HS6ST2: variants seen among roughly 807,000 people sequenced by gnomAD.
HS6ST2 encodes heparan-sulfate 6-O-sulfotransferase 2.
HS6ST2 carries 17 observed loss-of-function variants against 33.0 expected under a neutral mutation model. The observed-to-expected ratio is 0.52, with a 90% CI of 0.35 to 0.77. HS6ST2 has a LOEUF of 0.77. Among genes scored for constraint, HS6ST2 ranks in the 30% least tolerant of loss-of-function variants. HS6ST2 has a pLI of 0.01. For synonymous variants in HS6ST2, 248 were observed against 237.1 expected, an observed-to-expected ratio of 1.05 and a Z score of -0.42; for missense variants, 519 against 551.7, an observed-to-expected ratio of 0.94 and a Z score of 0.59.
intron 2 of HS6ST2, among the ~76,000 whole-genome samples, chrX:132,885,815 C>CAAGAATTTAAA (rs989841535): frequency 1.8e-5 from 2 of 111,408 alleles, no homozygotes; most frequent in African/African-American, 6.5e-5. Context: ...AAATAAAAAA[C>CAAGAATTTAAA]AAGAATTTAA....
intron 2 of HS6ST2, among the ~76,000 whole-genome samples, chrX:132,866,270 G>T (rs1035241621): frequency 9.0e-6 from 1 of 111,080 alleles, no homozygotes; most frequent in African/African-American, 3.3e-5. Flanking sequence ...TCTGAGGTTT[G>T]TCAAAGATCA....
At position 132,673,007 on chromosome X, in the gene HS6ST2, C is replaced by T. The variant is rs910334500; in HGVS notation, c.981-3808G>A. ...CTGCATCTCCTTTGTAAGCTCTTTT[C>T]GGAATTAATTCATCTCAGATCCCTG... On this transcript the variant is annotated intron_variant, in intron 3 of 4. Coordinates refer to ENST00000370833, the MANE Select transcript of HS6ST2 (RefSeq NM_001394073.1). Among the ~76,000 whole-genome samples, 3 of 111,742 alleles carry T rather than the reference C, an allele frequency of 2.7e-5. No homozygotes were observed. The Admixed American group carries it at 2.9e-4, about 11-fold the overall frequency.
intron 2 of HS6ST2, among the ~76,000 whole-genome samples, chrX:132,915,303 A>G (rs1173342952): frequency 8.9e-6 from 1 of 112,361 alleles, no homozygotes; most frequent in Non-Finnish European, 1.9e-5. Context: ...AAATCACCCA[A>G]TGACACGGGG....
At chrX:132,951,663 G>C (rs1007359613) in intron 2 of HS6ST2, among the ~76,000 whole-genome samples, 1 of 111,651 alleles carries the variant, frequency 9.0e-6, no homozygotes, top group African/African-American at 3.3e-5. Context: ...AATCTTTATG[G>C]ACTTGAGGCT....
intron 4 of HS6ST2, among the ~76,000 whole-genome samples, chrX:132,638,461 G>A (rs1342654392): frequency 9.0e-6 from 1 of 111,615 alleles, no homozygotes; most frequent in Admixed American, 9.6e-5. Flanking sequence ...GCAGACAGAC[G>A]TGCCTGTAGA....
chrX:132,814,249 G>A (rs1487223174), intron 2 of HS6ST2, among the ~76,000 whole-genome samples: 3 of 112,017 alleles, frequency 2.7e-5, no homozygotes, highest in African/African-American at 9.7e-5. Context: ...TGGCCTTCAA[G>A]AACATTTAAA....
At chrX:132,829,380 G>GTATCTATGTATT (rs1426689876) in intron 2 of HS6ST2, among the ~76,000 whole-genome samples, 1 of 107,579 alleles carries the variant, frequency 9.3e-6, no homozygotes, top group Admixed American at 1.0e-4. Flanking sequence ...ATCAATCTAT[G>GTATCTATGTATT]TATCTATGTA....
chrX:132,687,996 G>A (rs957776049), intron 3 of HS6ST2, among the ~76,000 whole-genome samples: 8 of 112,103 alleles, frequency 7.1e-5, no homozygotes, highest in Non-Finnish European at 1.5e-4. Flanking sequence ...TGATCCACCC[G>A]CCTCGGCCTC....
At chrX:132,640,118 A>G (rs1259971992) in intron 4 of HS6ST2, among the ~76,000 whole-genome samples, 7 of 110,600 alleles carry the variant, frequency 6.3e-5, no homozygotes, top group African/African-American at 2.3e-4. Context: ...CTGACCTAGA[A>G]GTCGCCATAA....
At chrX:132,763,234 C>T (rs2064818355) in intron 2 of HS6ST2, among the ~76,000 whole-genome samples, 2 of 111,772 alleles carry the variant, frequency 1.8e-5, no homozygotes, top group African/African-American at 3.3e-5. Flanking sequence ...AAAGGGCATA[C>T]CTAGTTACTC....
At chrX:132,950,269 G>A (rs1279463330) in intron 2 of HS6ST2, among the ~76,000 whole-genome samples, 1 of 112,185 alleles carries the variant, frequency 8.9e-6, no homozygotes, top group Non-Finnish European at 1.9e-5. Context: ...AGGGATACCA[G>A]ATACTCAATA....
At chrX:132,855,468 G>A (rs553657991) in intron 2 of HS6ST2, among the ~76,000 whole-genome samples, 8 of 112,335 alleles carry the variant, frequency 7.1e-5, no homozygotes, top group African/African-American at 2.6e-4. Context: ...CCCAGTGCCT[G>A]ACATAATGTC....
At chrX:132,872,535 T>G (rs1334834862) in intron 2 of HS6ST2, among the ~76,000 whole-genome samples, 1 of 111,894 alleles carries the variant, frequency 8.9e-6, no homozygotes, top group African/African-American at 3.2e-5. Context: ...CCCAGCAGAG[T>G]GCTTCTGGAA....
intron 2 of HS6ST2, among the ~76,000 whole-genome samples, chrX:132,870,950 A>C (rs1039632412): frequency 1.8e-5 from 2 of 111,742 alleles, no homozygotes; most frequent in African/African-American, 6.5e-5. Flanking sequence ...TGCACAGCAA[A>C]AAAAAAACTA....
intron 2 of HS6ST2, among the ~76,000 whole-genome samples, chrX:132,929,516 T>C (rs1310198022): frequency 9.1e-6 from 1 of 109,503 alleles, no homozygotes; most frequent in African/African-American, 3.3e-5. Flanking sequence ...CACTGAAAAA[T>C]AGAAAGATAT....
chrX:132,945,913 T>C (rs1383622931), intron 2 of HS6ST2, among the ~76,000 whole-genome samples: 1 of 108,325 alleles, frequency 9.2e-6, no homozygotes, highest in Non-Finnish European at 1.9e-5. Flanking sequence ...GATGAGTTAA[T>C]GGGTGCAGCA....
chrX:132,863,491 A>ATTT (rs113230236), intron 2 of HS6ST2, among the ~76,000 whole-genome samples: 78 of 94,265 alleles, frequency 8.3e-4, no homozygotes, highest in South Asian at 2.6e-3. Flanking sequence ...AGCTAACTTA[A>ATTT]TTTTTTTTTT....
At chrX:132,895,985 G>T (rs1005937511) in intron 2 of HS6ST2, among the ~76,000 whole-genome samples, 10 of 111,020 alleles carry the variant, frequency 9.0e-5, no homozygotes, top group African/African-American at 3.3e-4. Context: ...AGAGTTTAAA[G>T]ACTTTATGTT....
At chrX:132,672,210 T>C (rs780526825) in intron 3 of HS6ST2, among the ~76,000 whole-genome samples, 73 of 109,008 alleles carry the variant, frequency 6.7e-4, no homozygotes, top group Non-Finnish European at 1.1e-3. Flanking sequence ...CCAAGAACTC[T>C]GGTCACTGAA....
Sources: gnomAD v4.1 joint callset for allele counts (sites outside exome capture counted in the v4.1 genomes callset) on GRCh38, gnomAD v4.1.1 for gene constraint, MANE v1.5 for transcripts, NCBI Gene and HGNC (gene_info 2026-07-23, HGNC 2026-07-21) for gene names.